PLCE1: variants seen among roughly 807,000 people sequenced by gnomAD.
The protein encoded by PLCE1 is phospholipase C epsilon 1.
In PLCE1, 119 loss-of-function variants were observed where a neutral mutation model predicts 242.8. The observed-to-expected ratio is 0.49, with a 90% confidence interval of 0.42 to 0.57. PLCE1 has a LOEUF of 0.57. Among genes scored for constraint, PLCE1 ranks in the 20% least tolerant of loss-of-function variants. The probability of loss-of-function intolerance (pLI) is 0.00; values close to 1 mark genes in which losing one functional copy is unlikely to be tolerated. For synonymous variants in PLCE1, 945 were observed against 1,017.4 expected (o/e 0.93, Z 1.35); for missense variants, 2,441 against 2,788.8 (o/e 0.88, Z 2.81).
At chr10:94,267,352 C>T (rs1027713203) in intron 16 of PLCE1, among the ~76,000 whole-genome samples, 3 of 152,170 alleles carry the variant, frequency 2.0e-5, no homozygotes, top group African/African-American at 7.2e-5. Flanking sequence ...AATATCACAC[C>T]CCAAGGAGAG....
At chr10:94,250,788 T>C (rs2050848018) in intron 8 of PLCE1, among the ~76,000 whole-genome samples, 1 of 152,232 alleles carries the variant, frequency 6.6e-6, no homozygotes, top group African/African-American at 2.4e-5. Context: ...CTTTTAAAGA[T>C]GTATTGGTTA....
rs1343750545 is a variant in PLCE1, at chr10:94,176,770, C to G, written c.1809+5274C>G. ...TGCACTAAGGAAAGTAAATAGCAGT[C>G]TGCCAGAAGCTATGAGACATGGACA... is the stretch of plus-strand genomic sequence containing the variant. On this transcript the variant is annotated intron_variant, in intron 4 of 32. Coordinates refer to ENST00000371380, the MANE Select transcript of PLCE1 (RefSeq NM_016341.4). 2.0e-5 allele frequency among the ~76,000 whole-genome samples: 3 copies of G among 152,134 alleles called. No individual in the cohort carries two copies. In the East Asian group the frequency reaches 5.8e-4, roughly 29 times the overall value.
intron 3 of PLCE1, among the ~76,000 whole-genome samples, chr10:94,157,507 G>T (rs1035859141): frequency 5.3e-5 from 8 of 152,106 alleles, no homozygotes; most frequent in African/African-American, 1.7e-4. Context: ...TGGGGGAGCT[G>T]CCCCCAGGAG....
chr10:94,259,590 A>C (rs1337208366), intron 13 of PLCE1, among the ~76,000 whole-genome samples: 1 of 152,136 alleles, frequency 6.6e-6, no homozygotes, highest in Middle Eastern at 3.2e-3. Flanking sequence ...GCCAACACTT[A>C]GAGAATTATT....
chr10:94,102,521 G>C lies in PLCE1; in HGVS notation c.1207-29653G>C, dbSNP rs189763521. On this transcript the variant is annotated intron_variant, in intron 2 of 32. Transcript: ENST00000371380. ...ACTAGTGAAGGTGAACAATGTGTCT[G>C]CCATCTGCCTCCTGGGTGGATTGTC... Among the ~76,000 whole-genome samples, 234 of 152,304 alleles carry C rather than the reference G, an allele frequency of 1.5e-3. 2 individuals carry two copies. The highest frequency in any genetic ancestry group is 1.6e-3 in the Non-Finnish European group (108 of 68,032).
At chr10:94,181,111 A>G (rs2048296526) in intron 4 of PLCE1, among the ~76,000 whole-genome samples, 1 of 152,212 alleles carries the variant, frequency 6.6e-6, no homozygotes, top group Non-Finnish European at 1.5e-5. Context: ...GCATGCACTC[A>G]TTCTTCAACC....
At chr10:94,237,025 T>A (rs989907752) in intron 7 of PLCE1, among the ~76,000 whole-genome samples, 5 of 152,218 alleles carry the variant, frequency 3.3e-5, no homozygotes, top group Admixed American at 1.3e-4. Context: ...ATACAGTGAC[T>A]AAATTTTGTT....
rs1589513010 is a variant in PLCE1, at chr10:94,306,796, G to A, written c.5884+108G>A. On this transcript the variant is annotated intron_variant, in intron 26 of 32. Coordinates refer to ENST00000371380, the MANE Select transcript of PLCE1 (RefSeq NM_016341.4). This position sits in a 1 kb window ranked among gnomAD's most constrained non-coding sequence, Gnocchi z 5.7. ...CTGTTTGACATTTTCCTATAAAGAAGTTGAATTAAGAAGCAAAAGGAAATA... is the reference window on the plus strand; with the variant it reads ...CTGTTTGACATTTTCCTATAAAGAAATTGAATTAAGAAGCAAAAGGAAATA... 1.1e-6 allele frequency: 1 copy of A among 919,884 alleles called. No homozygotes were observed. Among genetic ancestry groups the A allele is most frequent in the East Asian group, 2.6e-5 (1 of 38,010 alleles). 57.0% of individuals were successfully genotyped at this position (919,884 alleles called of 1,614,324 possible).
At chr10:94,179,530 T>TTTTTTTGTTTTTTTTTTGA (rs10636243) in intron 4 of PLCE1, among the ~76,000 whole-genome samples, 1 of 118,826 alleles carries the variant, frequency 8.4e-6, no homozygotes, top group African/African-American at 3.2e-5. Flanking sequence ...TTTTTTTTTT[T>TTTTTTTGTTTTTTTTTTGA]GACAGGGTCT....
chr10:94,291,816 G>C (rs559883676), intron 22 of PLCE1, among the ~76,000 whole-genome samples: 6 of 152,136 alleles, frequency 3.9e-5, no homozygotes, highest in Non-Finnish European at 7.4e-5. Context: ...GTGAGCCAAC[G>C]GGGTAGATGA....
chr10:94,255,394 G>A, intron 11 of PLCE1, among the ~76,000 whole-genome samples: 1 of 152,184 alleles, frequency 6.6e-6, no homozygotes, highest in East Asian at 1.9e-4. Flanking sequence ...CTCAGTCACA[G>A]TAGTGACATT....
At chr10:94,172,644 T>C (rs2048020100) in intron 4 of PLCE1, among the ~76,000 whole-genome samples, 1 of 152,044 alleles carries the variant, frequency 6.6e-6, no homozygotes, top group African/African-American at 2.4e-5. Context: ...CTGGGCAAAA[T>C]AGCAAGACCT....
At chr10:94,308,742 T>G in intron 27 of PLCE1, 43 bp downstream of exon 27, 1 of 1,306,600 alleles carries the variant, frequency 7.7e-7, no homozygotes, top group Non-Finnish European at 1.1e-6. Flanking sequence ...TGGGGATTGC[T>G]ACACTGAAGG....
chr10:94,190,301 G>A (rs372511651), intron 4 of PLCE1, among the ~76,000 whole-genome samples: 26 of 152,046 alleles, frequency 1.7e-4, no homozygotes, highest in East Asian at 1.5e-3. Flanking sequence ...AATTAATTAC[G>A]TTTTTTTAAA....
At chr10:94,005,713 G>T (rs1360014951) in intron 1 of PLCE1, among the ~76,000 whole-genome samples, 1 of 152,156 alleles carries the variant, frequency 6.6e-6, no homozygotes, top group Non-Finnish European at 1.5e-5. Context: ...TTTCTCCTGA[G>T]TTCTCCATCG....
In PLCE1 at chr10:94,293,508, G is replaced by A. The variant is rs2052708471; in HGVS notation, c.5036G>A (p.Gly1679Glu). 1.2e-6 allele frequency: 2 copies of A among 1,613,206 alleles called. No individual in the cohort carries two copies. The highest frequency in any genetic ancestry group is 8.5e-7 in the Non-Finnish European group (1 of 1,179,522). The change falls in exon 23 of 33, where the codon GGA becomes GAA. Residue 1679 changes from glycine (G) to glutamate (E), a missense_variant and splice_region_variant. Around this residue, in one of 5 missense-constraint regions of PLCE1, gnomAD observed 1,004 missense variants for 1,322.7 expected, o/e 0.76. Coordinates refer to ENST00000371380, the MANE Select transcript of PLCE1 (RefSeq NM_016341.4). Reference sequence around the variant, plus strand: ...ATTTATTTTCATTTTATGGGAACAGGACTGTCAACTCTAAATGCATCTGGC... The same window carrying A: ...ATTTATTTTCATTTTATGGGAACAGAACTGTCAACTCTAAATGCATCTGGC... ...VIYCQAVKFP[G>E]LSTLNASGSS...
In PLCE1 at chr10:94,132,725, C is replaced by T. The variant is rs78073288; in HGVS notation, c.1492+266C>T. ...CAGCACTTTGGGAGGCCAAGGCGGG[C>T]GGATCACAAGGTCAGGAGATCGAGA... On this transcript the variant is annotated intron_variant, in intron 3 of 32. Coordinates refer to ENST00000371380, the MANE Select transcript of PLCE1 (RefSeq NM_016341.4). 4.8e-4 allele frequency among the ~76,000 whole-genome samples: 73 copies of T among 151,512 alleles called. 1 individual carries two copies. In the East Asian group the frequency reaches 0.011, roughly 22 times the overall value.
intron 1 of PLCE1, among the ~76,000 whole-genome samples, chr10:94,000,609 A>G (rs989924010): frequency 1.3e-5 from 2 of 152,226 alleles, no homozygotes; most frequent in Non-Finnish European, 2.9e-5. Flanking sequence ...TATTGTTGTT[A>G]CTGAGTCTCC....
intron 2 of PLCE1, among the ~76,000 whole-genome samples, chr10:94,055,969 G>A (rs762221009): frequency 5.3e-5 from 8 of 152,122 alleles, no homozygotes; most frequent in Admixed American, 2.0e-4. Context: ...TGTTGTGGTC[G>A]TATGTTAATT....
Sources: allele counts gnomAD v4.1 joint callset (sites outside exome capture counted in the v4.1 genomes callset), GRCh38; gene constraint gnomAD v4.1.1; regional missense constraint gnomAD v4.1.1; non-coding constraint Gnocchi (gnomAD v3.1); transcripts MANE v1.5; gene names NCBI Gene and HGNC (gene_info 2026-07-23, HGNC 2026-07-21).